Variants in MRPS28 observed in about 807,000 individuals in gnomAD.
MRPS28 encodes mitochondrial ribosomal protein S28.
A neutral mutation model predicts 10.8 loss-of-function variants in MRPS28; 7 were observed. The observed-to-expected ratio is 0.65, with a 90% CI of 0.37 to 1.22. The LOEUF (loss-of-function observed/expected upper bound fraction) is 1.22, where lower values mean the gene tolerates loss of function less well. Among genes scored for constraint, MRPS28 ranks in the 50% most tolerant of loss-of-function variants. The pLI is 0.02. For missense variants in MRPS28, 265 were observed against 232.9 expected (o/e 1.14, Z -0.90); for synonymous variants, 121 against 93.3 (o/e 1.30, Z -1.71).
rs60405301 is a variant in MRPS28 at position 79,928,047 on chromosome 8, G to T, written c.396-8899C>A. On this transcript the variant is annotated intron_variant, in intron 2 of 2. Coordinates refer to ENST00000276585, the MANE Select transcript of MRPS28 (RefSeq NM_014018.3). ...TAGATTTGAAAAAGACTCTCGGCTG[G>T]GCGTGGTGGCTCACACCTATAATAC... is the stretch of plus-strand genomic sequence containing the variant. Among the ~76,000 whole-genome samples the T allele has an allele frequency of 7.9e-3, 1,198 of 152,200 alleles. 12 individuals are homozygous for T. The highest frequency in any genetic ancestry group is 0.027 in the African/African-American group (1,129 of 41,534).
intron 2 of MRPS28, among the ~76,000 whole-genome samples, chr8:79,972,057 A>G (rs1269503533): frequency 1.3e-5 from 2 of 152,246 alleles, no homozygotes; most frequent in East Asian, 3.9e-4. Flanking sequence ...CACATCTGCA[A>G]TTTCCATACA....
At chr8:79,957,298 A>C (rs1807244446) in intron 2 of MRPS28, 1 of 152,148 alleles carries the variant, frequency 6.6e-6, no homozygotes, top group African/African-American at 2.4e-5. Context: ...CCTTTATGAC[A>C]TCATGTAGCA....
At chr8:79,947,629 GTTTTTTTT>G (rs767221360) in intron 2 of MRPS28, among the ~76,000 whole-genome samples, 2 of 109,222 alleles carry the variant, frequency 1.8e-5, no homozygotes, top group Admixed American at 1.0e-4. Context: ...AATATATTAA[GTTTTTTTT>G]TTTTTTTTTT....
chr8:80,026,542 A>G (rs1809497115), intron 1 of MRPS28, among the ~76,000 whole-genome samples: 1 of 152,236 alleles, frequency 6.6e-6, no homozygotes, highest in African/African-American at 2.4e-5. Flanking sequence ...CATTTGACAA[A>G]TATTTACCGA....
At chr8:79,945,739 A>T (rs1806896714) in intron 2 of MRPS28, among the ~76,000 whole-genome samples, 1 of 152,226 alleles carries the variant, frequency 6.6e-6, no homozygotes, top group African/African-American at 2.4e-5. Context: ...CTGTTAACAT[A>T]ATGAATTACT....
chr8:79,949,380 C>T (rs1807018218), intron 2 of MRPS28, among the ~76,000 whole-genome samples: 1 of 149,540 alleles, frequency 6.7e-6, no homozygotes, highest in African/African-American at 2.5e-5. Flanking sequence ...CGCCACTGCA[C>T]TACAGCCTGG....
intron 2 of MRPS28, among the ~76,000 whole-genome samples, chr8:79,929,968 G>T (rs1806415965): frequency 6.6e-6 from 1 of 152,150 alleles, no homozygotes; most frequent in Non-Finnish European, 1.5e-5. Flanking sequence ...AGGTAGGTCA[G>T]GTGTACAGTA....
At chr8:79,983,938 T>G (rs1323522306) in intron 2 of MRPS28, among the ~76,000 whole-genome samples, 1 of 151,976 alleles carries the variant, frequency 6.6e-6, no homozygotes, top group African/African-American at 2.4e-5. Flanking sequence ...ACAAAGATAC[T>G]CCTCGAGAAG....
intron 2 of MRPS28, among the ~76,000 whole-genome samples, chr8:79,965,815 ATG>A (rs1398799961): frequency 2.1e-4 from 32 of 152,094 alleles, no homozygotes; most frequent in Admixed American, 2.1e-3. Flanking sequence ...AACTTTCAGA[ATG>A]TCTCTCTATG....
intron 2 of MRPS28, among the ~76,000 whole-genome samples, chr8:79,971,668 G>C (rs1807637633): frequency 6.6e-6 from 1 of 152,148 alleles, no homozygotes; most frequent in South Asian, 2.1e-4. Context: ...TCAAGATTCA[G>C]ACATGTTGTA....
intron 2 of MRPS28, among the ~76,000 whole-genome samples, chr8:79,976,839 A>G (rs1807816787): frequency 6.6e-6 from 1 of 152,274 alleles, no homozygotes; most frequent in Non-Finnish European, 1.5e-5. Flanking sequence ...TTTTTCAAAT[A>G]AAAAGATGAA....
chr8:79,969,330 T>G (rs1807573453), intron 2 of MRPS28, among the ~76,000 whole-genome samples: 1 of 152,172 alleles, frequency 6.6e-6, no homozygotes, highest in Non-Finnish European at 1.5e-5. Flanking sequence ...GAAGAAACAA[T>G]TTGGAAATCT....
At chr8:80,018,295 CAAAAAAAAAAAAAA>C (rs55883340) in intron 1 of MRPS28, among the ~76,000 whole-genome samples, 1 of 53,078 alleles carries the variant, frequency 1.9e-5, no homozygotes, top group African/African-American at 8.1e-5. Context: ...TACTCTGTCT[CAAAAAAAAAAAAAA>C]AAAAAAAAGG....
intron 2 of MRPS28, among the ~76,000 whole-genome samples, chr8:79,970,990 T>G (rs955903582): frequency 7.9e-5 from 12 of 152,184 alleles, no homozygotes; most frequent in Non-Finnish European, 1.6e-4. Context: ...AAATGCCGCC[T>G]TTAATATAAA....
intron 1 of MRPS28, 111 bp downstream of exon 1, chr8:80,029,925 C>G (rs902038356): frequency 2.0e-6 from 3 of 1,535,198 alleles, no homozygotes; most frequent in South Asian, 2.4e-5. Flanking sequence ...GAAAACTGGG[C>G]CCCGGACCTC....
intron 2 of MRPS28, among the ~76,000 whole-genome samples, chr8:79,967,901 TATATC>T (rs1433797285): frequency 8.5e-5 from 13 of 152,118 alleles, no homozygotes; most frequent in African/African-American, 1.2e-4. Context: ...TATATGTGTA[TATATC>T]ATATAACTGA....
intron 2 of MRPS28, among the ~76,000 whole-genome samples, chr8:79,944,701 CT>C (rs57397948): frequency 4.4e-4 from 61 of 137,600 alleles, no homozygotes; most frequent in African/African-American, 9.5e-4. Flanking sequence ...TTTCTTTTTT[CT>C]TTTTTTTTTT....
intron 2 of MRPS28, among the ~76,000 whole-genome samples, chr8:79,968,414 A>C (rs1283635660): frequency 6.6e-6 from 1 of 152,070 alleles, no homozygotes; most frequent in Non-Finnish European, 1.5e-5. Context: ...GGGGCTTAGA[A>C]ATTTGTCTTT....
intron 2 of MRPS28, among the ~76,000 whole-genome samples, chr8:79,923,817 A>G (rs996329355): frequency 9.2e-5 from 14 of 152,192 alleles, no homozygotes; most frequent in African/African-American, 3.4e-4. Flanking sequence ...CTCAGGCCAT[A>G]TGCTGCAGTA....
Sources: gnomAD v4.1 joint callset for allele counts (sites outside exome capture counted in the v4.1 genomes callset) on GRCh38, gnomAD v4.1.1 for gene constraint, MANE v1.5 for transcripts, NCBI Gene and HGNC (gene_info 2026-07-23, HGNC 2026-07-21) for gene names.